Variants in ZDBF2 observed in about 807,000 individuals in gnomAD.
ZDBF2 encodes the protein zinc finger DBF-type containing 2.
Under a neutral mutation model 9.4 loss-of-function variants are expected in ZDBF2, and 6 were observed. The ratio of observed to expected loss-of-function variants is 0.64; its 90% CI spans 0.35 to 1.27. The LOEUF (loss-of-function observed/expected upper bound fraction) is 1.27, where lower values mean the gene tolerates loss of function less well. ZDBF2 is among the 50% of genes most tolerant of loss of function. The pLI is 0.03. For synonymous variants in ZDBF2, 905 were observed against 946.3 expected (o/e 0.96, Z 0.80); for missense variants, 2,697 against 2,766.8 (o/e 0.97, Z 0.57).
intron 3 of ZDBF2, among the ~76,000 whole-genome samples, chr2:206,295,352 T>C (rs1251141842): frequency 6.9e-6 from 1 of 144,212 alleles, no homozygotes; most frequent in East Asian, 2.0e-4. Context: ...TCTTTTTTTT[T>C]CTTTTCTTTT....
At position 206,274,923 on chromosome 2, in the gene ZDBF2, G is replaced by A. The variant is rs1690894024; in HGVS notation, c.-126G>A. The A allele has an allele frequency of 6.6e-6, 1 of 151,346 alleles. No individual in the cohort carries two copies. The highest frequency in any genetic ancestry group is 2.4e-5 in the African/African-American group (1 of 41,338). 9.4% of individuals were successfully genotyped at this position (151,346 alleles called of 1,614,324 possible). ...CCTCGGTCTCCACCGCGGCCCGGAA[G>A]GAATCCGGGCAGCCTCCGCGGAGGT... On this transcript the variant is annotated 5_prime_UTR_variant, in exon 1 of 5. Coordinates refer to ENST00000374423, the MANE Select transcript of ZDBF2 (RefSeq NM_020923.3).
At chr2:206,303,989 C>T (rs1044072921) in intron 4 of ZDBF2, among the ~76,000 whole-genome samples, 2 of 151,664 alleles carry the variant, frequency 1.3e-5, no homozygotes, top group Non-Finnish European at 2.9e-5. Context: ...TTTGCTATTA[C>T]CCCTCCCTCC....
rs150375195 is a variant in ZDBF2, at chr2:206,310,299, A to C, written c.5771A>C (p.Glu1924Ala). The C allele has an allele frequency of 6.7e-3, 10,824 of 1,613,978 alleles. 35 individuals are homozygous for C. The highest frequency in any genetic ancestry group is 7.3e-3 in the Non-Finnish European group (8,652 of 1,179,882). Reference sequence around the variant, plus strand: ...CCATGCCATCGTCATCCTCCAGCAGAGAGGCCTCCTAAGCAAAAGGGGCGT... The same window carrying C: ...CCATGCCATCGTCATCCTCCAGCAGCGAGGCCTCCTAAGCAAAAGGGGCGT... ...DKPCHRHPPA[E>A]RPPKQKGRVA... The change falls in exon 5 of 5, where the codon GAG (glutamate) becomes GCG (alanine). Residue 1924 changes from glutamate to alanine, a missense_variant. Glu to Ala is a moderately radical substitution (Grantham distance 107). Coordinates refer to ENST00000374423, the MANE Select transcript of ZDBF2 (RefSeq NM_020923.3).
chr2:206,308,297 C>A lies in ZDBF2; in HGVS notation c.3769C>A (p.Pro1257Thr). The change falls in exon 5 of 5, where the codon CCT becomes ACT. Residue 1257 changes from proline to threonine, a missense_variant. Coordinates refer to ENST00000374423, the MANE Select transcript of ZDBF2 (RefSeq NM_020923.3). The stretch of plus-strand genomic sequence containing the variant: ...TGTTCTTCAGCCAGTGGCTGGCCAA[C>A]CTGAAGAAGTAGTTAAGGAGGTCAG... ...SDVLQPVAGQ[P>T]EEVVKEVSLW... The A allele has an allele frequency of 1.2e-6, 2 of 1,613,822 alleles. No individual in the cohort carries two copies. Among genetic ancestry groups the A allele is most frequent in the East Asian group, 4.5e-5 (2 of 44,884 alleles).
intron 4 of ZDBF2, among the ~76,000 whole-genome samples, chr2:206,302,939 A>G (rs1210622026): frequency 1.3e-5 from 2 of 152,136 alleles, no homozygotes; most frequent in Non-Finnish European, 2.9e-5. Flanking sequence ...AAACAGTTTT[A>G]GATTAATGGA....
In ZDBF2 at chr2:206,307,412, G is replaced by A. The variant is rs768387234; in HGVS notation, c.2884G>A (p.Val962Ile). Residue 962 changes from valine (V) to isoleucine (I), a missense_variant, in exon 5 of 5, where the codon GTC becomes ATC. Around this residue, in one of 3 missense-constraint regions of ZDBF2, gnomAD observed 1,783 missense variants for 1,776.5 expected, o/e 1.00. Coordinates refer to ENST00000374423, the MANE Select transcript of ZDBF2 (RefSeq NM_020923.3). ...TTTTGAAACAAGTTTGGATTCTGAT[G>A]TCCCTCTTCAGGCAGCGACTCACAA... Reference protein sequence around the residue: ...SVFETSLDSDVPLQAATHKPE... With the variant: ...SVFETSLDSDIPLQAATHKPE... 21 of 1,612,688 alleles carry A rather than the reference G, an allele frequency of 1.3e-5. No individual in the cohort carries two copies. In the East Asian group the frequency reaches 2.5e-4, roughly 19 times the overall value.
intron 3 of ZDBF2, among the ~76,000 whole-genome samples, chr2:206,287,702 T>G (rs976372597): frequency 6.6e-6 from 1 of 152,234 alleles, no homozygotes. Context: ...AAATATTTGT[T>G]CACTCAGTGG....
rs1692727700 is a variant in ZDBF2, at chr2:206,305,421, T to A, written c.893T>A (p.Leu298Ter). ...FHERMGTKGS[L>*]RVKSPSKLAV... ...GAACGCATGGGTACTAAGGGCTCCT[T>A]AAGAGTTAAATCTCCTTCCAAATTA... Residue 298 changes from leucine to a stop codon, truncating the protein, a stop_gained, in exon 5 of 5, where the codon TTA becomes TAA. Transcript: ENST00000374423. LOFTEE classifies it low-confidence loss of function (END_TRUNC). 6.2e-7 allele frequency: 1 copy of A among 1,613,376 alleles called. No individual in the cohort carries two copies.
chr2:206,300,260 T>C (rs115827788), intron 4 of ZDBF2, among the ~76,000 whole-genome samples: 1,796 of 152,334 alleles, frequency 0.012, 17 homozygotes, highest in Middle Eastern at 0.02. Flanking sequence ...ATTTTGTTGG[T>C]TGTCTTAACT....
intron 4 of ZDBF2, among the ~76,000 whole-genome samples, chr2:206,298,513 G>T (rs9808338): frequency 0.44 from 66,590 of 151,844 alleles, 14,939 homozygotes; most frequent in Admixed American, 0.48. Context: ...AAATTTCCAG[G>T]TTTTTTTTGT....
rs1038500805 is a variant in ZDBF2 at position 206,292,333 on chromosome 2, A to G, written c.61-4913A>G. Reference sequence around the variant, plus strand: ...GACTATGAAAAGTCTGTAACTAACTACAGAGTTAACAGAAAAGGAAAAATT... The same window carrying G: ...GACTATGAAAAGTCTGTAACTAACTGCAGAGTTAACAGAAAAGGAAAAATT... On this transcript the variant is annotated intron_variant, in intron 3 of 4. Coordinates refer to ENST00000374423, the MANE Select transcript of ZDBF2 (RefSeq NM_020923.3). 3.3e-5 allele frequency among the ~76,000 whole-genome samples: 5 copies of G among 152,310 alleles called. No individual in the cohort carries two copies. The South Asian group carries it at 1.0e-3, about 32-fold the overall frequency.
rs1268615810 is a variant in ZDBF2, at chr2:206,314,332, A to T, written c.*2739A>T. ...TTCAAATAATTATATATTTCCATGT[A>T]AAACTAATGTGAAGACTAATGTATT... is the stretch of plus-strand genomic sequence containing the variant. On this transcript the variant is annotated 3_prime_UTR_variant, in exon 5 of 5. Transcript: ENST00000374423. 6.7e-6 allele frequency: 1 copy of T among 149,614 alleles called. No homozygotes were observed. Among genetic ancestry groups the T allele is most frequent in the East Asian group, 1.9e-4 (1 of 5,152 alleles). 9.3% of individuals were successfully genotyped at this position (149,614 alleles called of 1,614,324 possible). A position where few individuals can be genotyped will look rare whatever the true frequency, so the allele number is the denominator to read the frequency against.
rs557017763 is a variant in ZDBF2 at position 206,293,665 on chromosome 2, A to G, written c.61-3581A>G. ...GAGGATATCCAGATGGCTAGTAAAT[A>G]TGAAAAGCTATTGCAAAAATTACAG... On this transcript the variant is annotated intron_variant, in intron 3 of 4. Transcript: ENST00000374423. Among the ~76,000 whole-genome samples the G allele has an allele frequency of 7.9e-5, 12 of 152,322 alleles. No homozygotes were observed. The South Asian group carries it at 2.5e-3, about 32-fold the overall frequency.
In ZDBF2 at chr2:206,307,309, G is replaced by A; in HGVS notation, c.2781G>A (p.Val927=). The A allele has an allele frequency of 6.2e-7, 1 of 1,611,332 alleles. No individual in the cohort carries two copies. Among genetic ancestry groups the A allele is most frequent in the Non-Finnish European group, 8.5e-7 (1 of 1,179,180 alleles). The change falls in exon 5 of 5, where the codon GTG becomes GTA. Residue 927 remains valine, a synonymous_variant. Transcript: ENST00000374423. The stretch of plus-strand genomic sequence containing the variant: ...ATTATAATATCATTTTTCATTCAGT[G>A]ACTGGACGTTCTGAAGATCCCATTA... The part of the protein sequence containing the change: ...SLDYNIIFHS[V]TGRSEDPIKE...
chr2:206,302,827 A>C (rs1209986072), intron 4 of ZDBF2, among the ~76,000 whole-genome samples: 1 of 152,202 alleles, frequency 6.6e-6, no homozygotes, highest in Non-Finnish European at 1.5e-5. Context: ...TATGGCTGAC[A>C]CATGTATGCA....
Position 206,311,607 on chromosome 2 carries a change from G to A in ZDBF2, c.*14G>A, listed in dbSNP as rs779081913. 16 of 1,473,272 alleles carry A rather than the reference G, an allele frequency of 1.1e-5. No homozygotes were observed. In the South Asian group the frequency reaches 2.4e-4, roughly 22 times the overall value. 91.3% of individuals were successfully genotyped at this position (1,473,272 alleles called of 1,614,324 possible). ...GAGGTAAAATAGAAGTTGGTTTTGT[G>A]TTCAGGCTAGTTGAGGATTCAGTAC... On this transcript the variant is annotated 3_prime_UTR_variant, in exon 5 of 5. Coordinates refer to ENST00000374423, the MANE Select transcript of ZDBF2 (RefSeq NM_020923.3).
intron 1 of ZDBF2, among the ~76,000 whole-genome samples, chr2:206,276,045 G>T (rs1690981790): frequency 6.6e-6 from 1 of 152,084 alleles, no homozygotes; most frequent in African/African-American, 2.4e-5. Context: ...ATTGGAGGCA[G>T]TGTTTTTTCA....
In ZDBF2 at chr2:206,275,907, G is replaced by C. The variant is rs984534342; in HGVS notation, c.-103+961G>C. 7.9e-5 allele frequency among the ~76,000 whole-genome samples: 12 copies of C among 152,264 alleles called. No homozygotes were observed. In the South Asian group the frequency reaches 1.2e-3, roughly 16 times the overall value. ...CTCTATCGTTTGAACCTAAAGCCTA[G>C]AAGGCAAGAAAGCAACTCGTTAGAG... On this transcript the variant is annotated intron_variant, in intron 1 of 4. Transcript: ENST00000374423.
At chr2:206,290,675 A>G (rs1691842964) in intron 3 of ZDBF2, among the ~76,000 whole-genome samples, 1 of 152,226 alleles carries the variant, frequency 6.6e-6, no homozygotes, top group Non-Finnish European at 1.5e-5. Context: ...GAGAGCTTCA[A>G]TAGATTTTTA....
Sources: allele counts gnomAD v4.1 joint callset (sites outside exome capture counted in the v4.1 genomes callset), GRCh38; gene constraint gnomAD v4.1.1; regional missense constraint gnomAD v4.1.1; transcripts MANE v1.5; gene names NCBI Gene and HGNC (gene_info 2026-07-23, HGNC 2026-07-21).